Variants in DCDC1 observed in about 807,000 individuals in gnomAD.
DCDC1 encodes the protein doublecortin domain-containing protein 1.
A neutral mutation model predicts 178.3 loss-of-function variants in DCDC1; 200 were observed. The observed-to-expected ratio is 1.12, with a 90% CI of 1.00 to 1.26. DCDC1 has a LOEUF of 1.26. Among genes scored for constraint, DCDC1 ranks in the 50% most tolerant of loss-of-function variants. DCDC1 has a pLI of 0.00. For missense variants in DCDC1, 1,983 were observed against 1,749.2 expected (o/e 1.13, Z -2.38); for synonymous variants, 690 against 604.8 (o/e 1.14, Z -2.07).
intron 9 of DCDC1, among the ~76,000 whole-genome samples, chr11:31,148,904 T>TC (rs1184515756): frequency 6.6e-6 from 1 of 150,930 alleles, no homozygotes; most frequent in South Asian, 2.1e-4. Context: ...CCGCCCAACT[T>TC]CCCCCCAAGT....
At chr11:31,151,497 C>G (rs1189546206) in intron 9 of DCDC1, among the ~76,000 whole-genome samples, 3 of 152,124 alleles carry the variant, frequency 2.0e-5, no homozygotes, top group East Asian at 1.9e-4. Context: ...TGAAACTTAC[C>G]TAACCTCTAC....
chr11:30,992,342 AC>A (rs367895630), intron 20 of DCDC1: 53 of 152,328 alleles, frequency 3.5e-4, no homozygotes, highest in African/African-American at 1.2e-3. Context: ...TGACTGACAA[AC>A]CAAGACAGGC....
At chr11:30,949,489 G>A (rs1184974334) in intron 21 of DCDC1, among the ~76,000 whole-genome samples, 2 of 152,110 alleles carry the variant, frequency 1.3e-5, no homozygotes, top group East Asian at 1.9e-4. Context: ...ATATGACCCA[G>A]CAATCCCATT....
chr11:31,154,826 T>C (rs1965553472), intron 9 of DCDC1, among the ~76,000 whole-genome samples: 1 of 152,198 alleles, frequency 6.6e-6, no homozygotes, highest in African/African-American at 2.4e-5. Flanking sequence ...ATTTCATTAC[T>C]GGCTCCGTCC....
At chr11:31,250,864 C>T (rs976138159) in intron 8 of DCDC1, among the ~76,000 whole-genome samples, 3 of 151,860 alleles carry the variant, frequency 2.0e-5, no homozygotes, top group African/African-American at 4.8e-5. Context: ...AAGCGATTCT[C>T]CTGCCTCAGC....
chr11:31,203,560 G>T (rs1212014494), intron 9 of DCDC1, among the ~76,000 whole-genome samples: 1 of 152,116 alleles, frequency 6.6e-6, no homozygotes, highest in Admixed American at 6.5e-5. Context: ...CTACTACCCA[G>T]GGGCTCCCCT....
intron 27 of DCDC1, among the ~76,000 whole-genome samples, chr11:30,913,199 A>T (rs960994957): frequency 6.6e-6 from 1 of 152,102 alleles, no homozygotes; most frequent in African/African-American, 2.4e-5. Flanking sequence ...AGGAGGGCGG[A>T]TCACAAGGTC....
chr11:31,184,022 C>T (rs541772804), intron 9 of DCDC1, among the ~76,000 whole-genome samples: 2 of 152,162 alleles, frequency 1.3e-5, no homozygotes, highest in Non-Finnish European at 2.9e-5. Flanking sequence ...CATCACGCTA[C>T]CTGACCTCAA....
intron 9 of DCDC1, among the ~76,000 whole-genome samples, chr11:31,151,641 T>A (rs1351533761): frequency 6.6e-6 from 1 of 152,226 alleles, no homozygotes; most frequent in Admixed American, 6.5e-5. Flanking sequence ...TTGTATTTAA[T>A]ATTTTAGACA....
chr11:31,083,653 A>G (rs188068461), intron 17 of DCDC1, among the ~76,000 whole-genome samples: 1 of 152,338 alleles, frequency 6.6e-6, no homozygotes, highest in African/African-American at 2.4e-5. Flanking sequence ...GATTTTTTCA[A>G]GAAAAGCCAG....
chr11:30,994,961 C>A (rs1431075099), intron 20 of DCDC1, among the ~76,000 whole-genome samples: 1 of 150,682 alleles, frequency 6.6e-6, no homozygotes, highest in Non-Finnish European at 1.5e-5. Context: ...AAATGAAAGG[C>A]ATACAGGCTG....
chr11:31,258,714 G>A (rs768436732), intron 8 of DCDC1, among the ~76,000 whole-genome samples: 15 of 152,248 alleles, frequency 9.9e-5, no homozygotes, highest in South Asian at 4.1e-4. Context: ...TTGGAAACCC[G>A]CCAAAAGTTA....
intron 20 of DCDC1, among the ~76,000 whole-genome samples, chr11:31,036,794 T>G (rs1954063809): frequency 6.6e-6 from 1 of 152,186 alleles, no homozygotes; most frequent in Admixed American, 6.5e-5. Context: ...GATCTTAAAA[T>G]TAATAGTTAC....
intron 38 of DCDC1, among the ~76,000 whole-genome samples, chr11:30,865,806 A>G (rs1017299004): frequency 6.6e-6 from 1 of 152,114 alleles, no homozygotes; most frequent in African/African-American, 2.4e-5. Flanking sequence ...TTAGTAAGGA[A>G]CAAGAAAGAC....
At chr11:31,355,018 C>T (rs140187826) in intron 1 of DCDC1, among the ~76,000 whole-genome samples, 216 of 152,042 alleles carry the variant, frequency 1.4e-3, no homozygotes, top group African/African-American at 4.8e-3. Context: ...TGCAACACCA[C>T]TGTAAATATA....
intron 9 of DCDC1, among the ~76,000 whole-genome samples, chr11:31,181,093 C>A (rs1003749831): frequency 1.3e-5 from 2 of 152,118 alleles, no homozygotes; most frequent in Admixed American, 1.3e-4. Context: ...TAAACAAAGC[C>A]GCCGGTAAGT....
chr11:31,234,442 A>T (rs1976209323), intron 9 of DCDC1, among the ~76,000 whole-genome samples: 1 of 152,212 alleles, frequency 6.6e-6, no homozygotes, highest in Admixed American at 6.5e-5. Flanking sequence ...CTCTGAATAA[A>T]ATAAAGCAAA....
chr11:31,046,001 C>A (rs773287459), intron 20 of DCDC1, among the ~76,000 whole-genome samples: 21 of 152,114 alleles, frequency 1.4e-4, no homozygotes, highest in Admixed American at 4.6e-4. Flanking sequence ...GTTATGCATG[C>A]ACTCATGTGT....
intron 38 of DCDC1, among the ~76,000 whole-genome samples, chr11:30,865,821 AAG>A (rs1440881889): frequency 6.6e-6 from 1 of 152,114 alleles, no homozygotes; most frequent in East Asian, 1.9e-4. Context: ...AAAGACATAA[AAG>A]AGAGAGGCAT....
Sources: gnomAD v4.1 joint callset for allele counts (sites outside exome capture counted in the v4.1 genomes callset) on GRCh38, gnomAD v4.1.1 for gene constraint, MANE v1.5 for transcripts, NCBI Gene and HGNC (gene_info 2026-07-23, HGNC 2026-07-21) for gene names.